Variants in GSTA2 observed in about 807,000 individuals in gnomAD.
GSTA2 encodes glutathione S-transferase alpha 2, also known as glutathione S-transferase A2.
GSTA2 carries 27 observed loss-of-function variants against 22.4 expected under a neutral mutation model. The ratio of observed to expected loss-of-function variants is 1.21; its 90% CI spans 0.89 to 1.67. GSTA2 has a LOEUF of 1.67. Among genes scored for constraint, GSTA2 ranks in the 40% most tolerant of loss-of-function variants. The pLI, the probability that GSTA2 is intolerant of heterozygous loss-of-function variation, is 0.00. For synonymous variants in GSTA2, 121 were observed against 86.8 expected, an observed-to-expected ratio of 1.39 and a Z score of -2.19; for missense variants, 302 against 260.2, an observed-to-expected ratio of 1.16 and a Z score of -1.11.
At chr6:52,751,840 T>A in intron 5 of GSTA2, 132 bp from the exon 6 acceptor site, 1 of 1,268,454 alleles carries the variant, frequency 7.9e-7, no homozygotes, top group African/African-American at 1.5e-5. Context: ...AATCCCGAGC[T>A]TTCTCCACAT....
At chr6:52,751,537 G>A in intron 6 of GSTA2, 40 bp downstream of exon 6, 1 of 1,613,128 alleles carries the variant, frequency 6.2e-7, no homozygotes, top group Non-Finnish European at 8.5e-7. Context: ...CAAGATGGGA[G>A]ATGTGGGTCT....
At position 52,750,432 on chromosome 6, in the gene GSTA2, G is replaced by T. The variant is rs140525011; in HGVS notation, c.*145C>A. 664 of 691,862 alleles carry T rather than the reference G, an allele frequency of 9.6e-4. 10 individuals carry two copies. In the East Asian group the frequency reaches 0.018, roughly 19 times the overall value. The allele number at this position is 691,862 out of a possible 1,614,324, so 42.9% of individuals were successfully genotyped here. A position where few individuals can be genotyped will look rare whatever the true frequency, so the allele number is the denominator to read the frequency against. ...TCAATTTTAACTAAGTGGGTGAATA[G>T]GAGTTGTATTATTTAATTAGCATAT... On this transcript the variant is annotated 3_prime_UTR_variant, in exon 7 of 7. Coordinates refer to ENST00000493422, the MANE Select transcript of GSTA2 (RefSeq NM_000846.5).
At chr6:52,757,579 A>T (rs969749557) in intron 2 of GSTA2, among the ~76,000 whole-genome samples, 8 of 152,352 alleles carry the variant, frequency 5.3e-5, no homozygotes, top group South Asian at 2.1e-4. Flanking sequence ...TAATTGTTGT[A>T]TAAATGCCAT....
chr6:52,755,094 A>G lies in GSTA2; in HGVS notation c.140-19T>C. ...TATCCATCTTTAAGAGGAAGAAAAA[A>G]AAGGAGAGTGAAGTGTCTATGAAAC... On this transcript the variant is annotated intron_variant, in intron 3 of 6. Coordinates refer to ENST00000493422, the MANE Select transcript of GSTA2 (RefSeq NM_000846.5). 6.2e-7 allele frequency: 1 copy of G among 1,614,034 alleles called. No homozygotes were observed. Among genetic ancestry groups the G allele is most frequent in the Non-Finnish European group, 8.5e-7 (1 of 1,179,984 alleles).
chr6:52,750,724 A>G, intron 6 of GSTA2, 25 bp from the exon 7 acceptor site: 3 of 1,610,428 alleles, frequency 1.9e-6, no homozygotes, highest in Non-Finnish European at 2.5e-6. Flanking sequence ...GCACAGCCTC[A>G]CTAAAACAAC....
At chr6:52,752,015 C>T (rs1002527268) in intron 5 of GSTA2, among the ~76,000 whole-genome samples, 4 of 152,232 alleles carry the variant, frequency 2.6e-5, no homozygotes, top group Admixed American at 6.5e-5. Flanking sequence ...GCCGCATGTT[C>T]TGTCTGCCCC....
intron 1 of GSTA2, among the ~76,000 whole-genome samples, chr6:52,758,556 G>T (rs1762891339): frequency 6.6e-6 from 1 of 152,180 alleles, no homozygotes; most frequent in African/African-American, 2.4e-5. Flanking sequence ...GAAACCAGAG[G>T]ATGTCACTGA....
chr6:52,754,859 C>A, intron 4 of GSTA2, 84 bp downstream of exon 4: 3 of 1,581,060 alleles, frequency 1.9e-6, no homozygotes, highest in Admixed American at 1.7e-5. Flanking sequence ...GGTCTTGATA[C>A]CCTGCCATGG....
intron 1 of GSTA2, among the ~76,000 whole-genome samples, chr6:52,760,516 C>A (rs1240990648): frequency 1.3e-5 from 2 of 152,118 alleles, no homozygotes; most frequent in African/African-American, 2.4e-5. Flanking sequence ...TGGGAAATGG[C>A]TCCTATTATC....
At position 52,752,927 on chromosome 6, in the gene GSTA2, G is replaced by T; in HGVS notation, c.341C>A (p.Pro114His). Residue 114 changes from proline (P) to histidine (H), a missense_variant, in exon 5 of 7, where the codon CCT (proline) becomes CAT (histidine). By Grantham distance (77) the Pro-to-His change is moderately conservative. Transcript: ENST00000493422. Reference sequence around the variant, plus strand: ...GGCAAGCTTGGCATCTTGTTCCTCAGGTTGACTAAAGGGCAGAAGAAGGAT... The same window carrying T: ...GGCAAGCTTGGCATCTTGTTCCTCATGTTGACTAAAGGGCAGAAGAAGGAT... Reference protein sequence around the residue: ...EMILLLPFSQPEEQDAKLALI... With the variant: ...EMILLLPFSQHEEQDAKLALI... 1 of 1,613,962 alleles carries T rather than the reference G, an allele frequency of 6.2e-7. No individual in the cohort carries two copies. The highest frequency in any genetic ancestry group is 8.5e-7 in the Non-Finnish European group (1 of 1,179,890).
intron 5 of GSTA2, 119 bp downstream of exon 5, chr6:52,752,735 G>T: frequency 1.6e-6 from 2 of 1,241,718 alleles, no homozygotes; most frequent in Non-Finnish European, 2.3e-6. Context: ...TCAGAGTGCT[G>T]CATTGGTGTC....
Position 52,750,523 on chromosome 6 carries a change from T to A in GSTA2, c.*54A>T. On this transcript the variant is annotated 3_prime_UTR_variant, in exon 7 of 7. Coordinates refer to ENST00000493422, the MANE Select transcript of GSTA2 (RefSeq NM_000846.5). ...ACACTTAGGTAAAGCACTTAATTGT[T>A]GCAAAACTTTAGAATACTGGTCTTG... 6.3e-7 allele frequency: 1 copy of A among 1,589,644 alleles called. No individual in the cohort carries two copies. Among genetic ancestry groups the A allele is most frequent in the Non-Finnish European group, 8.6e-7 (1 of 1,162,420 alleles).
intron 5 of GSTA2, among the ~76,000 whole-genome samples, chr6:52,752,141 A>G (rs183173159): frequency 2.0e-5 from 3 of 152,302 alleles, no homozygotes; most frequent in African/African-American, 7.2e-5. Flanking sequence ...TTCCCCCAGA[A>G]GGAGACTATT....
At chr6:52,762,252 C>G (rs2749012) in intron 1 of GSTA2, among the ~76,000 whole-genome samples, 113,197 of 151,544 alleles carry the variant, frequency 0.75, 43,622 homozygotes, top group African/African-American at 0.94. Context: ...CACCCATAAA[C>G]GGTCTGTGCT....
intron 5 of GSTA2, 144 bp from the exon 6 acceptor site, chr6:52,751,852 A>G: frequency 8.6e-7 from 1 of 1,164,184 alleles, no homozygotes; most frequent in Admixed American, 1.9e-5. Context: ...TCTCCACATT[A>G]TCTGAATGAA....
At chr6:52,762,801 G>T (rs540158946) in intron 1 of GSTA2, among the ~76,000 whole-genome samples, 1 of 152,184 alleles carries the variant, frequency 6.6e-6, no homozygotes, top group Non-Finnish European at 1.5e-5. Flanking sequence ...CCCCTTCAGG[G>T]ATGCTTAGAA....
chr6:52,759,195 T>A (rs1434640358), intron 1 of GSTA2, among the ~76,000 whole-genome samples: 1 of 151,540 alleles, frequency 6.6e-6, no homozygotes, highest in Non-Finnish European at 1.5e-5. Context: ...GTATACTGTG[T>A]GTATGGATCT....
At position 52,759,563 on chromosome 6, in the gene GSTA2, G is replaced by GTTTTTTTT. The variant is rs70977382; in HGVS notation, c.-30-1594_-30-1587dup. Among the ~76,000 whole-genome samples, 154 of 34,192 alleles carry GTTTTTTTT rather than the reference G, an allele frequency of 4.5e-3. 44 individuals carry two copies. The highest frequency in any genetic ancestry group is 7.1e-3 in the Non-Finnish European group (117 of 16,556). The allele number at this position is 34,192 out of a possible 152,430, so 22.4% of individuals were successfully genotyped here. On this transcript the variant is annotated intron_variant, in intron 1 of 6. Transcript: ENST00000493422. Reference sequence around the variant, plus strand: ...CCTTTAACAACTAATGTATTTATTTGTTTTTTTTTTTTTTTTTTTTTTTTT... The same window carrying GTTTTTTTT: ...CCTTTAACAACTAATGTATTTATTTGTTTTTTTTTTTTTTTTTTTTTTTTTTTTTTTTT...
intron 1 of GSTA2, among the ~76,000 whole-genome samples, chr6:52,758,897 T>G (rs1409174665): frequency 6.6e-6 from 1 of 152,194 alleles, no homozygotes; most frequent in Non-Finnish European, 1.5e-5. Context: ...TACCTAAGGT[T>G]AATGTGGTTG....
Sources: allele counts gnomAD v4.1 joint callset (sites outside exome capture counted in the v4.1 genomes callset), GRCh38; gene constraint gnomAD v4.1.1; transcripts MANE v1.5; gene names NCBI Gene and HGNC (gene_info 2026-07-23, HGNC 2026-07-21).